Variants in HVCN1 observed in about 807,000 individuals in gnomAD.
The protein encoded by HVCN1 is hydrogen voltage gated channel 1.
A neutral mutation model predicts 29.2 loss-of-function variants in HVCN1; 14 were observed. The observed-to-expected ratio is 0.48, with a 90% CI of 0.32 to 0.75. The LOEUF (loss-of-function observed/expected upper bound fraction) is 0.75, where lower values mean the gene tolerates loss of function less well. HVCN1 is among the 30% of genes least tolerant of loss of function. The pLI is 0.04. For missense variants in HVCN1, 263 were observed against 341.8 expected (o/e 0.77, Z 1.82); for synonymous variants, 131 against 133.2 (o/e 0.98, Z 0.11).
chr12:110,689,983 G>A (rs2069367566), upstream of HVCN1, among the ~76,000 whole-genome samples: 1 of 152,246 alleles, frequency 6.6e-6, no homozygotes, highest in East Asian at 1.9e-4. This position sits in a 1 kb window ranked among gnomAD's most constrained non-coding sequence, Gnocchi z 5.7. Flanking sequence ...TTGGGGTTGT[G>A]TTAGTTTCCT....
At chr12:110,684,193 C>T (rs2069096562) in intron 2 of HVCN1, among the ~76,000 whole-genome samples, 1 of 151,898 alleles carries the variant, frequency 6.6e-6, no homozygotes, top group South Asian at 2.1e-4. Context: ...TTCTGTGCAG[C>T]TAACAAGGTA....
rs768900240 is a variant in HVCN1 at position 110,661,245 on chromosome 12, G to A, written c.225C>T (p.Ala75=). The A allele has an allele frequency of 1.2e-6, 2 of 1,614,002 alleles. No individual in the cohort carries two copies. The highest frequency in any genetic ancestry group is 1.7e-6 in the Non-Finnish European group (2 of 1,180,008). ...CCCTGGGTGCGGGGCCAGGGGCAGG[G>A]GCAACGTCAGGGGCTGCAGCTCTGC... ...EEGRAAAPDV[A]PAPGPAPRAP... The change falls in exon 4 of 8, where the codon GCC becomes GCT. Residue 75 remains alanine, a synonymous_variant. Transcript: ENST00000242607. The surrounding 1 kb of genome is among the most constrained non-coding windows in gnomAD (Gnocchi z 6.2).
At chr12:110,697,264 C>G (rs985733172) in intron 2 of HVCN1, among the ~76,000 whole-genome samples, 1 of 152,082 alleles carries the variant, frequency 6.6e-6, no homozygotes, top group African/African-American at 2.4e-5. Flanking sequence ...AAGGCCTGGG[C>G]TGTGATCCCC....
At chr12:110,677,754 G>A (rs1457613871) in intron 3 of HVCN1, among the ~76,000 whole-genome samples, 1 of 152,090 alleles carries the variant, frequency 6.6e-6, no homozygotes, top group Admixed American at 6.5e-5. Context: ...GGGTGGGGAG[G>A]AAGTCTGAGG....
chr12:110,701,034 GA>G (rs1357946940), intron 2 of HVCN1, among the ~76,000 whole-genome samples: 1 of 152,234 alleles, frequency 6.6e-6, no homozygotes, highest in African/African-American at 2.4e-5. Context: ...GGCCCGCCTG[GA>G]AGTTAGACCA....
intron 3 of HVCN1, among the ~76,000 whole-genome samples, chr12:110,663,837 T>C (rs1395112093): frequency 6.6e-6 from 1 of 152,200 alleles, no homozygotes; most frequent in African/African-American, 2.4e-5. Flanking sequence ...CACAGTCTCC[T>C]GGTTTTCCTC....
chr12:110,697,466 G>A (rs1056387859), intron 2 of HVCN1, among the ~76,000 whole-genome samples: 2 of 152,046 alleles, frequency 1.3e-5, no homozygotes, highest in Admixed American at 6.6e-5. Flanking sequence ...AAACTGATAG[G>A]GTGAACAGCG....
chr12:110,699,770 T>G (rs1276530612), intron 2 of HVCN1, among the ~76,000 whole-genome samples: 1 of 152,024 alleles, frequency 6.6e-6, no homozygotes, highest in Non-Finnish European at 1.5e-5. Flanking sequence ...GTCTTCACAA[T>G]GGCCATGAGG....
At chr12:110,691,995 G>C (rs1314602931), upstream of HVCN1, among the ~76,000 whole-genome samples, 1 of 152,178 alleles carries the variant, frequency 6.6e-6, no homozygotes, top group Non-Finnish European at 1.5e-5. Flanking sequence ...CAGCATTGTC[G>C]TGTTTACTGA....
intron 5 of HVCN1, among the ~76,000 whole-genome samples, chr12:110,651,664 T>G (rs1481424986): frequency 6.6e-6 from 1 of 152,200 alleles, no homozygotes; most frequent in Non-Finnish European, 1.5e-5. Flanking sequence ...CTCTAGACCC[T>G]TTGGACCAGC....
intron 3 of HVCN1, among the ~76,000 whole-genome samples, chr12:110,679,937 G>T (rs1172272352): frequency 6.6e-6 from 1 of 151,770 alleles, no homozygotes; most frequent in Non-Finnish European, 1.5e-5. Context: ...GAGGGCCGAT[G>T]AGGCTATCTC....
At chr12:110,652,104 C>T (rs2067832831) in intron 5 of HVCN1, among the ~76,000 whole-genome samples, 1 of 152,228 alleles carries the variant, frequency 6.6e-6, no homozygotes, top group Admixed American at 6.5e-5. Context: ...AGATCTTGAT[C>T]TAGTCCTGGC....
In HVCN1 at chr12:110,661,242, A is replaced by T. The variant is rs1189614083; in HGVS notation, c.228T>A (p.Pro76=). The change falls in exon 4 of 8, where the codon CCT becomes CCA. Residue 76 remains proline, a synonymous_variant. Transcript: ENST00000242607. This position sits in a 1 kb window ranked among gnomAD's most constrained non-coding sequence, Gnocchi z 6.2. The part of the protein sequence containing the change: ...EGRAAAPDVA[P]APGPAPRAPL... ...GGGCCCTGGGTGCGGGGCCAGGGGC[A>T]GGGGCAACGTCAGGGGCTGCAGCTC... The T allele has an allele frequency of 1.9e-6, 3 of 1,613,938 alleles. No individual in the cohort carries two copies. The African/African-American group carries it at 4.0e-5, about 22-fold the overall frequency.
At chr12:110,651,168 G>T (rs751111228) in intron 6 of HVCN1, 49 bp downstream of exon 6, 21 of 1,389,060 alleles carry the variant, frequency 1.5e-5, no homozygotes, top group Non-Finnish European at 1.9e-5. Flanking sequence ...TTGGATGTAT[G>T]CCTGGGCCCC....
chr12:110,670,584 G>A (rs1479302863), intron 3 of HVCN1, among the ~76,000 whole-genome samples: 5 of 152,176 alleles, frequency 3.3e-5, no homozygotes, highest in East Asian at 3.9e-4. Context: ...CTGGTGAGGG[G>A]GGGCCTTGTC....
chr12:110,688,104 G>C (rs1200700830), intron 2 of HVCN1: 1 of 152,478 alleles, frequency 6.6e-6, no homozygotes, highest in South Asian at 2.1e-4. Context: ...GGGGCAGGAC[G>C]GAGGGTGGAG....
chr12:110,682,345 G>A (rs1443011069), intron 3 of HVCN1, among the ~76,000 whole-genome samples: 14 of 152,060 alleles, frequency 9.2e-5, no homozygotes, highest in African/African-American at 2.4e-4. Context: ...GATTACAGGC[G>A]CATGTCACCA....
chr12:110,702,873 C>G lies in HVCN1; in HGVS notation c.-228-440G>C, dbSNP rs189820875. ...TTCTCCATGTTGGTCAGCCTGGTCT[C>G]GAACTCCTGACCTCAGGTGATCTGC... On this transcript the variant is annotated intron_variant, in intron 1 of 4. Coordinates refer to the HVCN1 transcript ENST00000546713. Among the ~76,000 whole-genome samples the G allele has an allele frequency of 2.8e-4, 42 of 152,162 alleles. No individual in the cohort carries two copies. In the East Asian group the frequency reaches 7.7e-3, roughly 28 times the overall value.
intron 4 of HVCN1, among the ~76,000 whole-genome samples, chr12:110,659,706 G>T (rs1174956798): frequency 6.6e-6 from 1 of 152,112 alleles, no homozygotes; most frequent in African/African-American, 2.4e-5. Context: ...ATCACTTGAG[G>T]CCAGGAATTC....
Sources: gnomAD v4.1 joint callset for allele counts (sites outside exome capture counted in the v4.1 genomes callset) on GRCh38, gnomAD v4.1.1 for gene constraint, Gnocchi (gnomAD v3.1) non-coding constraint, MANE v1.5 for transcripts, NCBI Gene and HGNC (gene_info 2026-07-23, HGNC 2026-07-21) for gene names.